Variants in DLGAP2 observed in about 807,000 individuals in gnomAD.
DLGAP2 encodes the protein disks large-associated protein 2.
DLGAP2 carries 26 observed loss-of-function variants against 100.3 expected under a neutral mutation model. The observed-to-expected ratio is 0.26, with a 90% CI of 0.19 to 0.36. DLGAP2 has a LOEUF of 0.36. Ranked by LOEUF, DLGAP2 falls within the 10% of genes least tolerant of loss-of-function variation. The pLI is 1.00. For synonymous variants in DLGAP2, 886 were observed against 630.1 expected, an observed-to-expected ratio of 1.41 and a Z score of -6.08; for missense variants, 1,858 against 1,453.2, an observed-to-expected ratio of 1.28 and a Z score of -4.53.
chr8:754,381 G>C (rs1820866623), intron 1 of DLGAP2: 2 of 152,216 alleles, frequency 1.3e-5, no homozygotes, highest in South Asian at 4.1e-4. Flanking sequence ...ACTGACAGAA[G>C]CCAAGACACT....
chr8:981,005 A>G (rs1361107295), intron 2 of DLGAP2, among the ~76,000 whole-genome samples: 3 of 152,200 alleles, frequency 2.0e-5, no homozygotes, highest in Non-Finnish European at 4.4e-5. Flanking sequence ...TTATGTGACC[A>G]ACATTACCAT....
chr8:1,560,971 C>T lies in DLGAP2; in HGVS notation c.1231-4712C>T, dbSNP rs531586985. Among the ~76,000 whole-genome samples, 8 of 152,246 alleles carry T rather than the reference C, an allele frequency of 5.3e-5. No homozygotes were observed. In the South Asian group the frequency reaches 1.2e-3, roughly 24 times the overall value. On this transcript the variant is annotated intron_variant, in intron 5 of 14. Transcript: ENST00000637795. ...TACCCGATATGGTTTGTGTCCCCACCGAAATCTCGTTTTGCCTGGCAGCTC... is the reference window on the plus strand; with the variant it reads ...TACCCGATATGGTTTGTGTCCCCACTGAAATCTCGTTTTGCCTGGCAGCTC...
chr8:1,453,829 G>A (rs774139955), intron 3 of DLGAP2, among the ~76,000 whole-genome samples: 4 of 152,188 alleles, frequency 2.6e-5, no homozygotes, highest in African/African-American at 4.8e-5. Context: ...GAAGAAAAAC[G>A]CCCCCTCATT....
At chr8:1,040,232 GTTTC>G (rs1802293297) in intron 2 of DLGAP2, among the ~76,000 whole-genome samples, 1 of 144,380 alleles carries the variant, frequency 6.9e-6, no homozygotes, top group Non-Finnish European at 1.5e-5. Context: ...GGTCGGCTCG[GTTTC>G]TGTGGTCAGC....
chr8:1,153,171 C>A (rs920594781), intron 2 of DLGAP2, among the ~76,000 whole-genome samples: 1 of 152,158 alleles, frequency 6.6e-6, no homozygotes, highest in Non-Finnish European at 1.5e-5. Flanking sequence ...CCCTCAGTTT[C>A]CAGGCTCCGA....
chr8:1,180,454 G>T (rs77003070), intron 2 of DLGAP2, among the ~76,000 whole-genome samples: 5,110 of 152,296 alleles, frequency 0.034, 120 homozygotes, highest in East Asian at 0.15. Flanking sequence ...CTTCAGGCCC[G>T]TGTGCCTGGG....
rs1424416305 is a variant in DLGAP2, at chr8:1,433,648, AACAC to A, written c.107-67714_107-67711del. The stretch of plus-strand genomic sequence containing the variant: ...ACTTGGAATTTTTTCTGTATCCACA[AACAC>A]ACATTTGGCAAACCACTGAACACTG... On this transcript the variant is annotated intron_variant, in intron 3 of 14. Transcript: ENST00000637795. 2.0e-5 allele frequency among the ~76,000 whole-genome samples: 3 copies of A among 152,126 alleles called. No individual in the cohort carries two copies. In the South Asian group the frequency reaches 6.2e-4, roughly 31 times the overall value.
intron 3 of DLGAP2, among the ~76,000 whole-genome samples, chr8:1,383,743 G>T (rs926148552): frequency 3.9e-5 from 6 of 152,186 alleles, no homozygotes; most frequent in Admixed American, 3.9e-4. Context: ...GGCCACGTCA[G>T]AGCCTATATT....
At chr8:1,256,187 C>CTA (rs1799208423) in intron 2 of DLGAP2, among the ~76,000 whole-genome samples, 2 of 95,222 alleles carry the variant, frequency 2.1e-5, no homozygotes, top group South Asian at 4.1e-4. Flanking sequence ...TGCCTGGGTG[C>CTA]TGTGTGTGTC....
chr8:1,211,195 C>T (rs149948104), intron 2 of DLGAP2, among the ~76,000 whole-genome samples: 2,694 of 152,288 alleles, frequency 0.018, 41 homozygotes, highest in South Asian at 0.055. Flanking sequence ...CAGGGGCCAC[C>T]GACCTGCGGA....
chr8:1,327,466 T>C lies in DLGAP2; in HGVS notation c.106+68583T>C, dbSNP rs79234851. 3.7e-3 allele frequency among the ~76,000 whole-genome samples: 557 copies of C among 152,320 alleles called. 2 individuals are homozygous for C. Among genetic ancestry groups the C allele is most frequent in the African/African-American group, 0.013 (523 of 41,560 alleles). On this transcript the variant is annotated intron_variant, in intron 3 of 14. Coordinates refer to ENST00000637795, the MANE Select transcript of DLGAP2 (RefSeq NM_001346810.2). ...GTTTAGTGACTTCTCGTCATTTAGT[T>C]ATTGCTTGCTATAGCTTGTGGAAAA...
At chr8:1,438,729 A>G (rs1199530776) in intron 3 of DLGAP2, among the ~76,000 whole-genome samples, 1 of 152,222 alleles carries the variant, frequency 6.6e-6, no homozygotes, top group South Asian at 2.1e-4. Context: ...TTCCGCATGC[A>G]CAGACTGTGA....
At chr8:799,097 C>T (rs1156913006) in intron 1 of DLGAP2, among the ~76,000 whole-genome samples, 2 of 152,346 alleles carry the variant, frequency 1.3e-5, no homozygotes, top group Admixed American at 6.5e-5. Flanking sequence ...ACCCCACATG[C>T]TCACACCAGC....
chr8:1,326,771 T>G (rs2117049749), intron 3 of DLGAP2, among the ~76,000 whole-genome samples: 1 of 152,368 alleles, frequency 6.6e-6, no homozygotes, highest in South Asian at 2.1e-4. Flanking sequence ...AGAGACTAAG[T>G]TCACAGCTGT....
intron 1 of DLGAP2, among the ~76,000 whole-genome samples, chr8:748,247 C>T (rs1261662075): frequency 6.9e-6 from 1 of 145,368 alleles, no homozygotes; most frequent in Admixed American, 6.8e-5. Context: ...GGCGGGTCTG[C>T]GGTGGGATGG....
intron 3 of DLGAP2, among the ~76,000 whole-genome samples, chr8:1,308,700 T>C (rs1343236312): frequency 1.3e-5 from 2 of 152,186 alleles, no homozygotes; most frequent in Non-Finnish European, 2.9e-5. Context: ...TAATTTTGCA[T>C]TTTTAATAGA....
At chr8:1,513,315 G>C (rs1374008014) in intron 4 of DLGAP2, among the ~76,000 whole-genome samples, 8 of 134,412 alleles carry the variant, frequency 6.0e-5, no homozygotes, top group African/African-American at 2.2e-4. Flanking sequence ...CAGTGCAAGG[G>C]AGGACGGGAG....
At position 1,430,338 on chromosome 8, in the gene DLGAP2, T is replaced by C. The variant is rs116736355; in HGVS notation, c.107-71028T>C. 6.0e-3 allele frequency among the ~76,000 whole-genome samples: 917 copies of C among 152,294 alleles called. 13 individuals carry two copies. The highest frequency in any genetic ancestry group is 0.02 in the African/African-American group (843 of 41,568). The stretch of plus-strand genomic sequence containing the variant: ...AATCTTTAGTGGCTTCATTGCTTTA[T>C]AGAGGAACTTAGCCACATTTACGTT... On this transcript the variant is annotated intron_variant, in intron 3 of 14. Transcript: ENST00000637795.
chr8:1,280,333 A>G (rs1188164111), intron 3 of DLGAP2, among the ~76,000 whole-genome samples: 1 of 152,008 alleles, frequency 6.6e-6, no homozygotes, highest in Non-Finnish European at 1.5e-5. Flanking sequence ...TTGAGATTAA[A>G]AGAGTTCCAT....
Sources: gnomAD v4.1 joint callset for allele counts (sites outside exome capture counted in the v4.1 genomes callset) on GRCh38, gnomAD v4.1.1 for gene constraint, MANE v1.5 for transcripts, NCBI Gene and HGNC (gene_info 2026-07-23, HGNC 2026-07-21) for gene names.